Variants in GTF2IRD1 observed in about 807,000 individuals in gnomAD.
The protein encoded by GTF2IRD1 is GTF2I repeat domain containing 1, also known as general transcription factor II-I repeat domain-containing protein 1.
In GTF2IRD1, 26 loss-of-function variants were observed where a neutral mutation model predicts 113.2. The ratio of observed to expected loss-of-function variants is 0.23; its 90% CI spans 0.17 to 0.32. The LOEUF (loss-of-function observed/expected upper bound fraction) is 0.32, where lower values mean the gene tolerates loss of function less well. Ranked by LOEUF, GTF2IRD1 falls within the 10% of genes least tolerant of loss-of-function variation. The probability of loss-of-function intolerance (pLI) is 1.00; values close to 1 mark genes in which losing one functional copy is unlikely to be tolerated. For missense variants in GTF2IRD1, 864 were observed against 1,280.8 expected (o/e 0.67, Z 4.97); for synonymous variants, 484 against 529.1 (o/e 0.91, Z 1.17).
At chr7:74,523,724 GA>G (rs587621861) in intron 7 of GTF2IRD1, among the ~76,000 whole-genome samples, 10,255 of 146,354 alleles carry the variant, frequency 0.07, 1,010 homozygotes, top group African/African-American at 0.22. Flanking sequence ...CCATCTAAAG[GA>G]AAAAAAAAAA....
chr7:74,544,377 C>T (rs1554352580), intron 14 of GTF2IRD1, among the ~76,000 whole-genome samples: 2 of 152,110 alleles, frequency 1.3e-5, no homozygotes, highest in Non-Finnish European at 2.9e-5. Flanking sequence ...GTAGAGACAG[C>T]ATTTCCCCAT....
At chr7:74,481,959 C>T (rs782453416) in intron 1 of GTF2IRD1, among the ~76,000 whole-genome samples, 1 of 152,132 alleles carries the variant, frequency 6.6e-6, no homozygotes, top group Non-Finnish European at 1.5e-5. Context: ...GTGTGAAACT[C>T]ATGGCTGCTA....
chr7:74,459,268 G>A (rs1222471245), intron 1 of GTF2IRD1, among the ~76,000 whole-genome samples: 3 of 152,076 alleles, frequency 2.0e-5, no homozygotes, highest in Non-Finnish European at 4.4e-5. Context: ...GACTAGCCTG[G>A]CCAACACGGT....
chr7:74,567,060 T>C (rs1469085934), intron 22 of GTF2IRD1, among the ~76,000 whole-genome samples: 2 of 152,212 alleles, frequency 1.3e-5, no homozygotes, highest in East Asian at 3.9e-4. Flanking sequence ...CCAGGCGCAG[T>C]GGCTCACGCC....
intron 2 of GTF2IRD1, among the ~76,000 whole-genome samples, chr7:74,508,744 C>T (rs1423504579): frequency 6.6e-6 from 1 of 151,854 alleles, no homozygotes; most frequent in African/African-American, 2.4e-5. Flanking sequence ...TCTCCGCCCT[C>T]GTCCCCTTGT....
chr7:74,560,335 G>A (rs1260412039), intron 22 of GTF2IRD1, among the ~76,000 whole-genome samples: 6 of 151,968 alleles, frequency 3.9e-5, no homozygotes, highest in Non-Finnish European at 8.8e-5. Flanking sequence ...GTTCCTAACC[G>A]CAGAAGGAGG....
intron 26 of GTF2IRD1, chr7:74,601,574 AC>A: frequency 1.1e-6 from 1 of 908,406 alleles, no homozygotes; most frequent in South Asian, 2.1e-5. Context: ...GGAGTTTGAG[AC>A]CAGGCTGACC....
chr7:74,523,810 C>T (rs1186508240), intron 7 of GTF2IRD1, among the ~76,000 whole-genome samples: 3 of 152,202 alleles, frequency 2.0e-5, no homozygotes, highest in East Asian at 3.9e-4. Context: ...AGGATGGGCT[C>T]GGGATGGACA....
intron 1 of GTF2IRD1, among the ~76,000 whole-genome samples, chr7:74,474,132 A>G (rs1794268538): frequency 6.6e-6 from 1 of 152,014 alleles, no homozygotes; most frequent in Non-Finnish European, 1.5e-5. Flanking sequence ...AATCCTATCT[A>G]TTTGGGAGGC....
At position 74,555,104 on chromosome 7, in the gene GTF2IRD1, G is replaced by A; in HGVS notation, c.1917-70G>A. The A allele has an allele frequency of 2.1e-6, 3 of 1,426,594 alleles. No homozygotes were observed. Among genetic ancestry groups the A allele is most frequent in the Non-Finnish European group, 2.9e-6 (3 of 1,022,792 alleles). 88.4% of individuals were successfully genotyped at this position (1,426,594 alleles called of 1,614,324 possible). A position where few individuals can be genotyped will look rare whatever the true frequency, so the allele number is the denominator to read the frequency against. On this transcript the variant is annotated intron_variant, in intron 17 of 26. Transcript: ENST00000424337. This position sits in a 1 kb window ranked among gnomAD's most constrained non-coding sequence, Gnocchi z 5.3. Reference sequence around the variant, plus strand: ...GCAGGGCTGTGTAGACTGAGGCCCAGAGAGGAGGGCTGAGCAGTCCCAGAG... The same window carrying A: ...GCAGGGCTGTGTAGACTGAGGCCCAAAGAGGAGGGCTGAGCAGTCCCAGAG...
Position 74,566,009 on chromosome 7 carries a change from A to T in GTF2IRD1, c.2320+6354A>T, listed in dbSNP as rs587647575. On this transcript the variant is annotated intron_variant, in intron 22 of 26. Coordinates refer to ENST00000424337, the MANE Select transcript of GTF2IRD1 (RefSeq NM_005685.4). ...CCCTCTCTCTAAAAGACACACAAAC[A>T]CACACACACACACACACACACACAC... Among the ~76,000 whole-genome samples the T allele has an allele frequency of 8.0e-5, 11 of 137,418 alleles. No homozygotes were observed. In the South Asian group the frequency reaches 2.4e-3, roughly 30 times the overall value. 90.2% of individuals were successfully genotyped at this position (137,418 alleles called of 152,430 possible). A position where few individuals can be genotyped will look rare whatever the true frequency, so the allele number is the denominator to read the frequency against.
chr7:74,569,946 G>C (rs373133304), intron 22 of GTF2IRD1, among the ~76,000 whole-genome samples: 1 of 152,320 alleles, frequency 6.6e-6, no homozygotes, highest in East Asian at 1.9e-4. Context: ...CTGGCAGAGA[G>C]AGACCTGCCC....
At chr7:74,528,152 A>G (rs1205463160) in intron 8 of GTF2IRD1, among the ~76,000 whole-genome samples, 2 of 152,216 alleles carry the variant, frequency 1.3e-5, no homozygotes, top group Non-Finnish European at 2.9e-5. Context: ...TATATTCACT[A>G]TGCAGAAAGC....
chr7:74,475,066 G>A (rs1319780889), intron 1 of GTF2IRD1, among the ~76,000 whole-genome samples: 1 of 152,170 alleles, frequency 6.6e-6, no homozygotes, highest in Non-Finnish European at 1.5e-5. Context: ...ACCAGCCAGG[G>A]CAACATAGCA....
At chr7:74,507,806 C>T (rs1796381116) in intron 1 of GTF2IRD1, 2 of 394,268 alleles carry the variant, frequency 5.1e-6, no homozygotes, top group Non-Finnish European at 9.2e-6. Flanking sequence ...GGGGCCTGTC[C>T]AACAGACTGG....
At chr7:74,544,690 C>A in intron 14 of GTF2IRD1, 65 bp from the exon 15 acceptor site, 1 of 1,515,442 alleles carries the variant, frequency 6.6e-7, no homozygotes, top group Non-Finnish European at 9.1e-7. Flanking sequence ...TCTGGCCTGA[C>A]GTCGGCAGTG....
At chr7:74,509,475 G>A (rs1217722020) in intron 2 of GTF2IRD1, among the ~76,000 whole-genome samples, 1 of 152,030 alleles carries the variant, frequency 6.6e-6, no homozygotes, top group Non-Finnish European at 1.5e-5. Context: ...AGAGGTTGCA[G>A]CGAACCGAGA....
In GTF2IRD1 at chr7:74,507,899, G is replaced by T. The variant is rs10269096; in HGVS notation, c.-6-176G>T. On this transcript the variant is annotated intron_variant, in intron 1 of 26. Coordinates refer to ENST00000424337, the MANE Select transcript of GTF2IRD1 (RefSeq NM_005685.4). ...GAGTTATCCTGCCACCTGTGCCCAG[G>T]CCTGTGCAGGCTCTAATCCCATCAC... is the stretch of plus-strand genomic sequence containing the variant. Among the ~76,000 whole-genome samples the T allele has an allele frequency of 0.073, 11,107 of 152,152 alleles. 1,237 individuals carry two copies. Among genetic ancestry groups the T allele is most frequent in the African/African-American group, 0.24 (10,136 of 41,424 alleles).
chr7:74,514,646 C>A (rs1796821215), intron 3 of GTF2IRD1, among the ~76,000 whole-genome samples: 1 of 151,918 alleles, frequency 6.6e-6, no homozygotes, highest in Admixed American at 6.5e-5. Context: ...CTGGCATGAA[C>A]CTGCTGTTTG....
Sources: allele counts gnomAD v4.1 joint callset (sites outside exome capture counted in the v4.1 genomes callset), GRCh38; gene constraint gnomAD v4.1.1; non-coding constraint Gnocchi (gnomAD v3.1); transcripts MANE v1.5; gene names NCBI Gene and HGNC (gene_info 2026-07-23, HGNC 2026-07-21).